The following CATSPERB variants were observed in gnomAD, a reference collection of about 807,000 sequenced individuals.
The protein encoded by CATSPERB is cation channel sperm-associated auxiliary subunit beta.
A neutral mutation model predicts 128.3 loss-of-function variants in CATSPERB; 93 were observed. The ratio of observed to expected loss-of-function variants is 0.72; its 90% CI spans 0.61 to 0.86. The LOEUF is 0.86. Ranked by LOEUF, CATSPERB falls within the 40% of genes least tolerant of loss-of-function variation. The pLI, the probability that CATSPERB is intolerant of heterozygous loss-of-function variation, is 0.00. For missense variants in CATSPERB, 1,153 were observed against 1,329.5 expected (o/e 0.87, Z 2.06); for synonymous variants, 381 against 448.8 (o/e 0.85, Z 1.91).
intron 3 of CATSPERB, 95 bp from the exon 4 acceptor site, chr14:91,723,284 T>C (rs1896065045): frequency 4.5e-6 from 4 of 879,422 alleles, no homozygotes; most frequent in Non-Finnish European, 6.3e-6. Context: ...TTCCAGTCTC[T>C]AGTTAGGAAA....
intron 12 of CATSPERB, among the ~76,000 whole-genome samples, chr14:91,673,303 A>C (rs760613216): frequency 1.4e-4 from 22 of 152,164 alleles, no homozygotes; most frequent in Non-Finnish European, 2.9e-4. Flanking sequence ...CTCCTCATCC[A>C]TCATGATTGC....
chr14:91,669,135 GT>G, intron 14 of CATSPERB, among the ~76,000 whole-genome samples: 2 of 152,332 alleles, frequency 1.3e-5, no homozygotes, highest in East Asian at 3.9e-4. Context: ...ATGGAAGAGA[GT>G]TTTAAGAAGA....
At chr14:91,585,725 G>A (rs1893285844) in intron 26 of CATSPERB, among the ~76,000 whole-genome samples, 2 of 152,214 alleles carry the variant, frequency 1.3e-5, no homozygotes, top group South Asian at 4.2e-4. Flanking sequence ...ATATTGTCTT[G>A]GTTGTTGATA....
In CATSPERB at chr14:91,729,453, T is replaced by C; in HGVS notation, c.27A>G (p.Ser9=). 1 of 1,536,520 alleles carries C rather than the reference T, an allele frequency of 6.5e-7. No homozygotes were observed. Among genetic ancestry groups the C allele is most frequent in the Non-Finnish European group, 8.9e-7 (1 of 1,118,372 alleles). ...ATTCAAATATGTTCAAAAGCAAAAC[T>C]GAAACATATATAAGTGGCGATTCCA... is the stretch of plus-strand genomic sequence containing the variant. MESPLIYV[S]VLLLNIFEFS... Residue 9 remains serine, a synonymous_variant, in exon 2 of 27, where the codon TCA becomes TCG. Transcript: ENST00000256343.
chr14:91,721,769 G>A lies in CATSPERB; in HGVS notation c.309+1280C>T, dbSNP rs143920012. On this transcript the variant is annotated intron_variant, in intron 4 of 26. Transcript: ENST00000256343. Reference sequence around the variant, plus strand: ...GGAGGCTGAGGCAGGAGAATGGCGTGAACCCGGGAGGCAGAGCTTGCAGTG... The same window carrying A: ...GGAGGCTGAGGCAGGAGAATGGCGTAAACCCGGGAGGCAGAGCTTGCAGTG... 6.4e-3 allele frequency among the ~76,000 whole-genome samples: 961 copies of A among 151,114 alleles called. 8 individuals carry two copies. Among genetic ancestry groups the A allele is most frequent in the African/African-American group, 0.022 (907 of 41,138 alleles).
intron 7 of CATSPERB, among the ~76,000 whole-genome samples, chr14:91,700,345 A>T (rs1301947107): frequency 6.6e-6 from 1 of 152,130 alleles, no homozygotes; most frequent in Non-Finnish European, 1.5e-5. Context: ...GTCTACATTC[A>T]TCAAAATATT....
intron 2 of CATSPERB, among the ~76,000 whole-genome samples, chr14:91,725,887 C>T (rs1355979096): frequency 6.6e-6 from 1 of 152,148 alleles, no homozygotes; most frequent in African/African-American, 2.4e-5. Flanking sequence ...CTATCCTATA[C>T]CCATATAAAC....
Position 91,704,674 on chromosome 14 carries a change from T to A in CATSPERB, c.494A>T (p.Asp165Val). Residue 165 changes from aspartate to valine, a missense_variant, in exon 7 of 27, where the codon GAT (aspartate) becomes GTT (valine). Coordinates refer to ENST00000256343, the MANE Select transcript of CATSPERB (RefSeq NM_024764.4). ...ACTGATTTCACTTTCTGGAATCACATCCCCAGGAGTCCACTGAAGAATCGG... is the reference window on the plus strand; with the variant it reads ...ACTGATTTCACTTTCTGGAATCACAACCCCAGGAGTCCACTGAAGAATCGG... Reference protein sequence around the residue: ...REPILQWTPGDVIPESEISKL... With the variant: ...REPILQWTPGVVIPESEISKL... The A allele has an allele frequency of 2.5e-6, 4 of 1,613,716 alleles. No individual in the cohort carries two copies. The highest frequency in any genetic ancestry group is 3.4e-6 in the Non-Finnish European group (4 of 1,179,786).
intron 3 of CATSPERB, among the ~76,000 whole-genome samples, chr14:91,723,523 G>T (rs966224564): frequency 6.6e-6 from 1 of 152,070 alleles, no homozygotes; most frequent in Non-Finnish European, 1.5e-5. Context: ...ATAAAGCAAA[G>T]CCTATTTTAC....
intron 17 of CATSPERB, among the ~76,000 whole-genome samples, chr14:91,627,540 A>C (rs1434871415): frequency 6.6e-6 from 1 of 152,226 alleles, no homozygotes; most frequent in African/African-American, 2.4e-5. Flanking sequence ...TTTTTAGAGA[A>C]GTGACAAGAC....
intron 17 of CATSPERB, among the ~76,000 whole-genome samples, chr14:91,634,198 G>GA (rs374186853): frequency 6.6e-6 from 1 of 152,172 alleles, no homozygotes; most frequent in African/African-American, 2.4e-5. Flanking sequence ...TAAGCTACGG[G>GA]AAAAAATGTT....
intron 5 of CATSPERB, among the ~76,000 whole-genome samples, chr14:91,711,097 G>T (rs1326367319): frequency 6.6e-6 from 1 of 152,196 alleles, no homozygotes; most frequent in East Asian, 1.9e-4. Context: ...TGATAATTCA[G>T]TGCCAGGGTC....
intron 20 of CATSPERB, among the ~76,000 whole-genome samples, chr14:91,612,076 A>G (rs1893844513): frequency 8.7e-6 from 1 of 115,198 alleles, no homozygotes; most frequent in African/African-American, 3.9e-5. Context: ...TCCTTTTTTT[A>G]AGAGATGAGA....
intron 22 of CATSPERB, among the ~76,000 whole-genome samples, chr14:91,595,909 G>A (rs549228658): frequency 6.6e-6 from 1 of 152,138 alleles, no homozygotes; most frequent in Non-Finnish European, 1.5e-5. Flanking sequence ...TTGTTCACAG[G>A]GGTATACTTT....
rs754820506 is a variant in CATSPERB, at chr14:91,708,191, T to C, written c.416A>G (p.His139Arg). The C allele has an allele frequency of 3.7e-6, 6 of 1,611,556 alleles. No individual in the cohort carries two copies. Among genetic ancestry groups the C allele is most frequent in the Non-Finnish European group, 5.1e-6 (6 of 1,178,690 alleles). ...TTCAGTAGCATAAATATTTAGTCCATGATGTAAAGTGATTCTTACTAACCA... is the reference window on the plus strand; with the variant it reads ...TTCAGTAGCATAAATATTTAGTCCACGATGTAAAGTGATTCTTACTAACCA... The part of the protein sequence containing the change: ...EEWLVRITLH[H>R]GLNIYATEGT... Residue 139 changes from histidine (H) to arginine (R), a missense_variant, in exon 6 of 27, where the codon CAT (histidine) becomes CGT (arginine). By Grantham distance (29) the His-to-Arg change is conservative. Coordinates refer to ENST00000256343, the MANE Select transcript of CATSPERB (RefSeq NM_024764.4).
intron 5 of CATSPERB, among the ~76,000 whole-genome samples, chr14:91,715,598 T>C (rs1357723458): frequency 6.7e-6 from 1 of 150,044 alleles, no homozygotes; most frequent in Admixed American, 6.6e-5. Flanking sequence ...TTCCCTAAAC[T>C]GATCTATAGA....
intron 15 of CATSPERB, among the ~76,000 whole-genome samples, chr14:91,644,203 C>A (rs1232817770): frequency 6.3e-5 from 8 of 127,522 alleles, no homozygotes; most frequent in Admixed American, 6.1e-4. Flanking sequence ...GAATTTAGTC[C>A]ATTTACATTT....
intron 5 of CATSPERB, among the ~76,000 whole-genome samples, chr14:91,715,507 A>T (rs1283755716): frequency 6.8e-6 from 1 of 147,832 alleles, no homozygotes; most frequent in African/African-American, 2.5e-5. Flanking sequence ...AGCCAAGATC[A>T]TGCCAATGCA....
At chr14:91,621,439 GC>G (rs1894039946) in intron 19 of CATSPERB, among the ~76,000 whole-genome samples, 168 bp downstream of exon 19, 1 of 152,076 alleles carries the variant, frequency 6.6e-6, no homozygotes, top group African/African-American at 2.4e-5. Flanking sequence ...TTAATATAGA[GC>G]CCAGTACATA....
Sources: allele counts gnomAD v4.1 joint callset (sites outside exome capture counted in the v4.1 genomes callset), GRCh38; gene constraint gnomAD v4.1.1; transcripts MANE v1.5; gene names NCBI Gene and HGNC (gene_info 2026-07-23, HGNC 2026-07-21).